Variants in SLC7A14 observed in about 807,000 individuals in gnomAD.
SLC7A14 encodes solute carrier family 7 member 14.
Under a neutral mutation model 60.2 loss-of-function variants are expected in SLC7A14, and 37 were observed. The ratio of observed to expected loss-of-function variants is 0.61; its 90% confidence interval spans 0.47 to 0.81. The LOEUF is 0.81. Ranked by LOEUF, SLC7A14 falls within the 30% of genes least tolerant of loss-of-function variation. The probability of loss-of-function intolerance (pLI) is 0.00; values close to 1 mark genes in which losing one functional copy is unlikely to be tolerated. For missense variants in SLC7A14, 886 were observed against 982.7 expected (o/e 0.90, Z 1.32); for synonymous variants, 399 against 395.8 (o/e 1.01, Z -0.10).
chr3:170,575,032 CTGAT>C (rs1715053398), intron 1 of SLC7A14, among the ~76,000 whole-genome samples: 1 of 152,172 alleles, frequency 6.6e-6, no homozygotes, highest in South Asian at 2.1e-4. Context: ...TAAGAAGTAA[CTGAT>C]TTTAGAAACC....
intron 7 of SLC7A14, chr3:170,476,718 A>G (rs1220202076): frequency 1.3e-5 from 2 of 152,236 alleles, no homozygotes; most frequent in African/African-American, 4.8e-5. Flanking sequence ...TTCTCATTTA[A>G]GCCCCAAAGA....
intron 4 of SLC7A14, 71 bp from the exon 5 acceptor site, chr3:170,486,439 C>T: frequency 6.3e-7 from 1 of 1,597,080 alleles, no homozygotes; most frequent in Non-Finnish European, 8.6e-7. Flanking sequence ...GTGGAAAGTG[C>T]AATTGCTCTA....
chr3:170,497,087 C>CAAAAAAAAAAAAA (rs548290941), intron 4 of SLC7A14, among the ~76,000 whole-genome samples: 11 of 94,300 alleles, frequency 1.2e-4, no homozygotes, highest in African/African-American at 1.6e-4. Flanking sequence ...TTATTTTGTC[C>CAAAAAAAAAAAAA]AAAAAAAAAA....
At chr3:170,580,881 T>C (rs1022657391) in intron 1 of SLC7A14, among the ~76,000 whole-genome samples, 5 of 152,196 alleles carry the variant, frequency 3.3e-5, no homozygotes, top group African/African-American at 1.2e-4. Context: ...TGTGTTAATC[T>C]TTGTGTTATA....
chr3:170,496,582 T>G, intron 4 of SLC7A14: 1 of 1,597,766 alleles, frequency 6.3e-7, no homozygotes, highest in Admixed American at 1.7e-5. Flanking sequence ...AAACTGGCCC[T>G]GGACATGGAG....
intron 6 of SLC7A14, among the ~76,000 whole-genome samples, chr3:170,482,863 G>A (rs1002297867): frequency 6.6e-6 from 1 of 151,644 alleles, no homozygotes; most frequent in Non-Finnish European, 1.5e-5. Context: ...TGCAGGTATT[G>A]TTAGGATCTG....
intron 4 of SLC7A14, among the ~76,000 whole-genome samples, chr3:170,489,208 A>G (rs757286378): frequency 6.6e-6 from 1 of 152,250 alleles, no homozygotes; most frequent in Non-Finnish European, 1.5e-5. Flanking sequence ...TAAACTACCC[A>G]TCTGACAAGG....
chr3:170,511,705 A>T (rs930414692), intron 2 of SLC7A14, among the ~76,000 whole-genome samples: 6 of 152,216 alleles, frequency 3.9e-5, no homozygotes, highest in African/African-American at 1.4e-4. Context: ...ACAGGTTGGA[A>T]GCAAGTATTG....
At chr3:170,540,455 T>G (rs1713988977) in intron 1 of SLC7A14, among the ~76,000 whole-genome samples, 1 of 151,778 alleles carries the variant, frequency 6.6e-6, no homozygotes. Flanking sequence ...TTAGTTTGCT[T>G]CTTTTTTTTT....
chr3:170,523,775 G>C lies in SLC7A14; in HGVS notation c.304+2858C>G, dbSNP rs1002174737. On this transcript the variant is annotated intron_variant, in intron 2 of 7. Transcript: ENST00000231706. ...TTGATTATTGTTGTATGGAGAAGCA[G>C]TGGGAAGTTTTGCCAAAGGTGAAAC... Among the ~76,000 whole-genome samples, 5 of 152,154 alleles carry C rather than the reference G, an allele frequency of 3.3e-5. No homozygotes were observed. The East Asian group carries it at 9.6e-4, about 29-fold the overall frequency.
intron 7 of SLC7A14, among the ~76,000 whole-genome samples, chr3:170,469,546 G>A (rs918716957): frequency 1.3e-5 from 2 of 152,154 alleles, no homozygotes; most frequent in African/African-American, 2.4e-5. Flanking sequence ...GTAGAACAGG[G>A]CATCACATTA....
intron 2 of SLC7A14, among the ~76,000 whole-genome samples, chr3:170,505,913 A>G (rs1017310285): frequency 6.6e-6 from 1 of 152,096 alleles, no homozygotes; most frequent in Non-Finnish European, 1.5e-5. Flanking sequence ...AGATTAACAT[A>G]TAAATAATAT....
intron 7 of SLC7A14, among the ~76,000 whole-genome samples, chr3:170,474,113 A>G (rs919113248): frequency 7.9e-5 from 12 of 152,350 alleles, no homozygotes; most frequent in Non-Finnish European, 1.3e-4. Flanking sequence ...AATGAATAAT[A>G]TATTGTGGTA....
rs3943990 is a variant in SLC7A14 at position 170,532,682 on chromosome 3, T to G, written c.-152-5594A>C. ...GCCCCTGACCAGGTGTTTTTTTTTT[T>G]TTGTTGTTGTTGTTCCCTGCTACTG... On this transcript the variant is annotated intron_variant, in intron 1 of 7. Coordinates refer to ENST00000231706, the MANE Select transcript of SLC7A14 (RefSeq NM_020949.3). The surrounding 1 kb of genome is among the most constrained non-coding windows in gnomAD (Gnocchi z 4.0). 0.23 allele frequency among the ~76,000 whole-genome samples: 35,098 copies of G among 150,696 alleles called. 4,217 individuals are homozygous for G. Among genetic ancestry groups the G allele is most frequent in the East Asian group, 0.36 (1,845 of 5,150 alleles).
intron 6 of SLC7A14, 136 bp from the exon 7 acceptor site, chr3:170,481,302 T>G (rs1711814739): frequency 2.3e-6 from 2 of 856,122 alleles, no homozygotes; most frequent in Middle Eastern, 3.7e-4. Context: ...AATTTACTTC[T>G]GCATTCACTA....
intron 1 of SLC7A14, among the ~76,000 whole-genome samples, chr3:170,572,302 G>A (rs978777157): frequency 6.6e-6 from 1 of 152,124 alleles, no homozygotes; most frequent in Non-Finnish European, 1.5e-5. Flanking sequence ...CAGATGGCAT[G>A]GTCTTTGAAT....
chr3:170,564,871 A>T (rs1714752306), intron 1 of SLC7A14, among the ~76,000 whole-genome samples: 1 of 152,186 alleles, frequency 6.6e-6, no homozygotes, highest in Non-Finnish European at 1.5e-5. Flanking sequence ...TTGGCAACTA[A>T]GTCTTTCCTG....
chr3:170,511,863 T>G (rs1266695477), intron 2 of SLC7A14, among the ~76,000 whole-genome samples: 1 of 152,174 alleles, frequency 6.6e-6, no homozygotes, highest in East Asian at 1.9e-4. Flanking sequence ...TCTAGAAACT[T>G]CTTGTTCTGT....
intron 1 of SLC7A14, among the ~76,000 whole-genome samples, chr3:170,545,428 C>G (rs996742514): frequency 1.4e-4 from 22 of 152,176 alleles, no homozygotes; most frequent in African/African-American, 5.1e-4. Context: ...AACAGGAGAA[C>G]AGTGGTTGGT....
Sources: allele counts gnomAD v4.1 joint callset (sites outside exome capture counted in the v4.1 genomes callset), GRCh38; gene constraint gnomAD v4.1.1; non-coding constraint Gnocchi (gnomAD v3.1); transcripts MANE v1.5; gene names NCBI Gene and HGNC (gene_info 2026-07-23, HGNC 2026-07-21).